FUT8: variants seen among roughly 807,000 people sequenced by gnomAD.
The protein encoded by FUT8 is fucosyltransferase 8, also known as alpha-(1,6)-fucosyltransferase.
In FUT8, 29 loss-of-function variants were observed where a neutral mutation model predicts 71.3. The observed-to-expected ratio is 0.41, with a 90% confidence interval of 0.30 to 0.55. The LOEUF is 0.55. FUT8 is among the 20% of genes least tolerant of loss of function. The pLI is 0.34. For missense variants in FUT8, 544 were observed against 702.1 expected (o/e 0.77, Z 2.55); for synonymous variants, 254 against 239.3 (o/e 1.06, Z -0.57).
intron 7 of FUT8, among the ~76,000 whole-genome samples, chr14:65,718,848 A>G (rs1233629107): frequency 2.0e-5 from 3 of 152,002 alleles, no homozygotes; most frequent in Non-Finnish European, 4.4e-5. Context: ...TTGGAGCTCC[A>G]TGGTATGTTA....
chr14:65,548,680 A>C (rs1004949121), intron 2 of FUT8, among the ~76,000 whole-genome samples: 6 of 152,092 alleles, frequency 3.9e-5, no homozygotes, highest in Admixed American at 6.6e-5. Flanking sequence ...ATTTATAGAC[A>C]TAGTACCAAA....
chr14:65,543,626 A>G (rs1235479942), intron 2 of FUT8, among the ~76,000 whole-genome samples: 1 of 151,986 alleles, frequency 6.6e-6, no homozygotes, highest in Non-Finnish European at 1.5e-5. Flanking sequence ...TTAGGGTCCC[A>G]GTTTTGTTTT....
chr14:65,447,284 ACT>A (rs758081542), intron 1 of FUT8, among the ~76,000 whole-genome samples: 2 of 138,742 alleles, frequency 1.4e-5, no homozygotes, highest in East Asian at 4.2e-4. Context: ...AGTGAATGAG[ACT>A]CTCTCAAAAA....
chr14:65,612,070 G>T (rs1889029682), intron 3 of FUT8, among the ~76,000 whole-genome samples: 1 of 152,154 alleles, frequency 6.6e-6, no homozygotes, highest in Non-Finnish European at 1.5e-5. Flanking sequence ...ATCTGTGTCA[G>T]TTTTGAGTTG....
chr14:65,388,618 C>T, the FUT8 span, among the ~76,000 whole-genome samples: 3 of 151,966 alleles, frequency 2.0e-5, no homozygotes, highest in East Asian at 1.9e-4. Flanking sequence ...AAAAATTAGC[C>T]GGGCGTGATG....
In FUT8 at chr14:65,691,006, G is replaced by A. The variant is rs544802755; in HGVS notation, c.835+21526G>A. Among the ~76,000 whole-genome samples the A allele has an allele frequency of 7.5e-4, 109 of 145,880 alleles. 4 individuals carry two copies. Among genetic ancestry groups the A allele is most frequent in the Non-Finnish European group, 2.9e-4 (20 of 67,960 alleles). On this transcript the variant is annotated intron_variant, in intron 7 of 10. Transcript: ENST00000673929. ...CTCCCAAAGTGCTGGGATTACAGGC[G>A]TGAGCCACCACGCCCAGCCACATTT...
intron 1 of FUT8, among the ~76,000 whole-genome samples, chr14:65,423,306 G>C (rs2065330156): frequency 6.8e-6 from 1 of 145,998 alleles, no homozygotes; most frequent in African/African-American, 2.6e-5. Context: ...CTGTCGGCCA[G>C]GCTGGAGTGC....
chr14:65,721,004 G>A (rs1310711778), intron 7 of FUT8, among the ~76,000 whole-genome samples: 1 of 152,164 alleles, frequency 6.6e-6, no homozygotes, highest in African/African-American at 2.4e-5. Flanking sequence ...GCACCACACG[G>A]CCACTGCATG....
In FUT8 at chr14:65,576,278, A is replaced by T. The variant is rs372276539; in HGVS notation, c.203+14512A>T. Among the ~76,000 whole-genome samples the T allele has an allele frequency of 4.6e-5, 7 of 152,290 alleles. No individual in the cohort carries two copies. In the East Asian group the frequency reaches 1.2e-3, roughly 25 times the overall value. On this transcript the variant is annotated intron_variant, in intron 3 of 10. Coordinates refer to ENST00000673929, the MANE Select transcript of FUT8 (RefSeq NM_001371533.1). The stretch of plus-strand genomic sequence containing the variant: ...ATCAAAAACAAATTCAAAGCAGAAC[A>T]TGTAAGAGGCCATTTGTAGCCACAA...
rs182663662 is a variant in FUT8 at position 65,643,578 on chromosome 14, T to C, written c.597+13972T>C. On this transcript the variant is annotated intron_variant, in intron 6 of 10. Transcript: ENST00000673929. This position sits in a 1 kb window ranked among gnomAD's most constrained non-coding sequence, Gnocchi z 4.5. ...CTGAGGCAGGAGAATGGCGTGAACCTGGGAGGCGGAGCTTGCAGTGAGCAG... is the reference window on the plus strand; with the variant it reads ...CTGAGGCAGGAGAATGGCGTGAACCCGGGAGGCGGAGCTTGCAGTGAGCAG... Among the ~76,000 whole-genome samples, 1 of 151,484 alleles carries C rather than the reference T, an allele frequency of 6.6e-6. No individual in the cohort carries two copies. The highest frequency in any genetic ancestry group is 2.4e-5 in the African/African-American group (1 of 41,240).
chr14:65,597,202 A>ATT (rs1566842399), intron 3 of FUT8, among the ~76,000 whole-genome samples: 1 of 24,448 alleles, frequency 4.1e-5, no homozygotes, highest in Non-Finnish European at 1.0e-4. Flanking sequence ...GACTCTTACT[A>ATT]AAGTCTGTCT....
intron 7 of FUT8, among the ~76,000 whole-genome samples, chr14:65,700,944 C>T (rs1894266950): frequency 6.6e-6 from 1 of 152,202 alleles, no homozygotes; most frequent in South Asian, 2.1e-4. Flanking sequence ...CATATTTATA[C>T]ATAACACATC....
chr14:65,647,531 T>C (rs1891175584), intron 6 of FUT8, among the ~76,000 whole-genome samples: 1 of 152,184 alleles, frequency 6.6e-6, no homozygotes, highest in Non-Finnish European at 1.5e-5. Context: ...AATTATGTGC[T>C]AAGTAGATTA....
chr14:65,434,428 G>A (rs1030926096), intron 1 of FUT8, among the ~76,000 whole-genome samples: 18 of 152,326 alleles, frequency 1.2e-4, no homozygotes, highest in South Asian at 4.1e-4. Flanking sequence ...GGGAATTGTC[G>A]TTGACATTAA....
chr14:65,694,429 G>GTGCT (rs1893878006), intron 7 of FUT8, among the ~76,000 whole-genome samples: 1 of 152,046 alleles, frequency 6.6e-6, no homozygotes, highest in Admixed American at 6.5e-5. Context: ...ATAACACAAA[G>GTGCT]TGCTTCAGCT....
At chr14:65,703,866 A>T (rs1270696568) in intron 7 of FUT8, among the ~76,000 whole-genome samples, 1 of 152,224 alleles carries the variant, frequency 6.6e-6, no homozygotes, top group Non-Finnish European at 1.5e-5. Context: ...TTAGCTATGC[A>T]ATACTAAATT....
chr14:65,548,969 A>G (rs899297234), intron 2 of FUT8, among the ~76,000 whole-genome samples: 7 of 152,206 alleles, frequency 4.6e-5, no homozygotes, highest in Admixed American at 2.0e-4. Context: ...AGCACATGAA[A>G]AGATGGCCAG....
At chr14:65,449,092 A>G (rs1006865856) in intron 1 of FUT8, among the ~76,000 whole-genome samples, 1 of 152,244 alleles carries the variant, frequency 6.6e-6, no homozygotes, top group African/African-American at 2.4e-5. Context: ...TTATGAATAA[A>G]TAAATAGATC....
At chr14:65,538,876 G>A (rs551667687) in intron 2 of FUT8, among the ~76,000 whole-genome samples, 4 of 152,192 alleles carry the variant, frequency 2.6e-5, no homozygotes, top group South Asian at 2.1e-4. Flanking sequence ...AGCCAAGATC[G>A]CGCCATTGCA....
Sources: allele counts gnomAD v4.1 joint callset (sites outside exome capture counted in the v4.1 genomes callset), GRCh38; gene constraint gnomAD v4.1.1; non-coding constraint Gnocchi (gnomAD v3.1); transcripts MANE v1.5; gene names NCBI Gene and HGNC (gene_info 2026-07-23, HGNC 2026-07-21).